GPRIN2: variants seen among roughly 807,000 people sequenced by gnomAD.
GPRIN2 encodes G protein regulated inducer of neurite outgrowth 2.
In GPRIN2, 1 loss-of-function variant was observed where a neutral mutation model predicts 0.3. That is an observed-to-expected ratio of 3.90 (90% CI 1.39 to 18.51). The LOEUF (loss-of-function observed/expected upper bound fraction) is 18.51. GPRIN2 is among the 30% of genes most tolerant of loss of function. GPRIN2 has a pLI of 0.11. For synonymous variants in GPRIN2, 361 were observed against 258.6 expected (o/e 1.40, Z -3.80); for missense variants, 880 against 604.2 (o/e 1.46, Z -4.79).
rs1292532523 is a variant in GPRIN2 at position 46,550,234 on chromosome 10, G to T, written c.503C>A (p.Ala168Asp). Residue 168 changes from alanine (A) to aspartate (D), a missense_variant, in exon 3 of 3, where the codon GCC (alanine) becomes GAC (aspartate). By Grantham distance (126) the Ala-to-Asp change is moderately radical. Transcript: ENST00000374314. ...PGGTSGQGGQ[A>D]PAGLERDLAP... is the part of the protein sequence containing the mutation. Reference sequence around the variant, plus strand: ...CAGGTCCCTTTCCAGGCCTGCAGGGGCCTGGCCACCCTGGCCAGAAGTACC... The same window carrying T: ...CAGGTCCCTTTCCAGGCCTGCAGGGTCCTGGCCACCCTGGCCAGAAGTACC... 6.2e-7 allele frequency: 1 copy of T among 1,607,298 alleles called. No homozygotes were observed. Among genetic ancestry groups the T allele is most frequent in the Non-Finnish European group, 8.5e-7 (1 of 1,176,260 alleles).
rs1298922090 is a variant in GPRIN2, at chr10:46,546,818, G to A, written c.*2542C>T. On this transcript the variant is annotated 3_prime_UTR_variant, in exon 3 of 3. Transcript: ENST00000374314. ...GAGACAAGGATCGTGGTTTAGCCAG[G>A]AGAATCATCTGGGGCCCCAGCCAAG... is the stretch of plus-strand genomic sequence containing the variant. 6.6e-6 allele frequency among the ~76,000 whole-genome samples: 1 copy of A among 152,306 alleles called. No homozygotes were observed. Among genetic ancestry groups the A allele is most frequent in the Non-Finnish European group, 1.5e-5 (1 of 68,054 alleles).
At position 46,542,429 on chromosome 10, in the gene GPRIN2, T is replaced by G. The variant is rs1204321143; in HGVS notation, c.*6931A>C. On this transcript the variant is annotated 3_prime_UTR_variant, in exon 3 of 3. Coordinates refer to ENST00000374314, the MANE Select transcript of GPRIN2 (RefSeq NM_001385282.1). The stretch of plus-strand genomic sequence containing the variant: ...GGGCGGTTCCCCCATGCTGTTCTTG[T>G]GATAGTAAGTTCTCACGAGATCTGA... Among the ~76,000 whole-genome samples, 5 of 152,308 alleles carry G rather than the reference T, an allele frequency of 3.3e-5. No individual in the cohort carries two copies. The highest frequency in any genetic ancestry group is 1.2e-4 in the African/African-American group (5 of 41,484).
rs1456538753 is a variant in GPRIN2, at chr10:46,548,138, G to A, written c.*1222C>T. Reference sequence around the variant, plus strand: ...CGGGTGGATTGGGGGGCTGTGTCACGGGATCTTAGGATCTTCAAGACAAAG... The same window carrying A: ...CGGGTGGATTGGGGGGCTGTGTCACAGGATCTTAGGATCTTCAAGACAAAG... On this transcript the variant is annotated 3_prime_UTR_variant, in exon 3 of 3. Coordinates refer to ENST00000374314, the MANE Select transcript of GPRIN2 (RefSeq NM_001385282.1). Among the ~76,000 whole-genome samples the A allele has an allele frequency of 9.2e-5, 14 of 152,422 alleles. No individual in the cohort carries two copies. Among genetic ancestry groups the A allele is most frequent in the Admixed American group, 7.2e-4 (11 of 15,312 alleles).
In GPRIN2 at chr10:46,551,500, G is replaced by A. The variant is rs1842605835; in HGVS notation, c.-6-758C>T. 4.1e-6 allele frequency: 4 copies of A among 985,510 alleles called. No individual in the cohort carries two copies. The South Asian group carries it at 1.4e-4, about 35-fold the overall frequency. 61.0% of individuals were successfully genotyped at this position (985,510 alleles called of 1,614,324 possible). ...TCAGCATCTGGTCATTGATTCCACAGCATCTCCTGAGCCCCTACTGCGTGC... is the reference window on the plus strand; with the variant it reads ...TCAGCATCTGGTCATTGATTCCACAACATCTCCTGAGCCCCTACTGCGTGC... On this transcript the variant is annotated intron_variant, in intron 2 of 2. Transcript: ENST00000374314.
Position 46,549,816 on chromosome 10 carries a change from G to C in GPRIN2, c.921C>G (p.Gly307=). ...WGPAGLVPEP[G]SRTKDVWTMT... ...TGGTCCACACATCTTTGGTCCTAGA[G>C]CCAGGCTCTGGGACTAACCCAGCGG... The change falls in exon 3 of 3, where the codon GGC becomes GGG. Residue 307 remains glycine, a synonymous_variant. Transcript: ENST00000374314. 1 of 1,614,090 alleles carries C rather than the reference G, an allele frequency of 6.2e-7. No homozygotes were observed. Among genetic ancestry groups the C allele is most frequent in the Non-Finnish European group, 8.5e-7 (1 of 1,180,058 alleles).
In GPRIN2 at chr10:46,556,326, G is replaced by C. The variant is rs1831834134; in HGVS notation, c.-118+172C>G. Among the ~76,000 whole-genome samples, 12 of 152,410 alleles carry C rather than the reference G, an allele frequency of 7.9e-5. No homozygotes were observed. In the East Asian group the frequency reaches 2.3e-3, roughly 29 times the overall value. ...ACAGGACAGGACAATGAGAGGCGGAGCGCGGGGAGTGCGATGCGGCCACCG... is the reference window on the plus strand; with the variant it reads ...ACAGGACAGGACAATGAGAGGCGGACCGCGGGGAGTGCGATGCGGCCACCG... On this transcript the variant is annotated intron_variant, in intron 1 of 2. Coordinates refer to ENST00000374314, the MANE Select transcript of GPRIN2 (RefSeq NM_001385282.1).
chr10:46,553,715 T>G (rs1842861673), intron 2 of GPRIN2, among the ~76,000 whole-genome samples: 1 of 152,304 alleles, frequency 6.6e-6, no homozygotes, highest in Admixed American at 6.5e-5. Context: ...CCTTCCCCAT[T>G]CCCCCTCCAC....
In GPRIN2 at chr10:46,549,973, A is replaced by T. The variant is rs955776079; in HGVS notation, c.764T>A (p.Ile255Asn). Reference sequence around the variant, plus strand: ...CGCCACTAGTTTGGGAAAGGCCAGGATCCCTGTGGCAGGTAGGGCATGGCA... The same window carrying T: ...CGCCACTAGTTTGGGAAAGGCCAGGTTCCCTGTGGCAGGTAGGGCATGGCA... The part of the protein sequence containing the change: ...GCCHALPATG[I>N]LAFPKLVASV... The change falls in exon 3 of 3, where the codon ATC (isoleucine) becomes AAC (asparagine). Residue 255 changes from isoleucine (I) to asparagine (N), a missense_variant. Transcript: ENST00000374314. The T allele has an allele frequency of 1.9e-6, 3 of 1,614,246 alleles. No individual in the cohort carries two copies. Among genetic ancestry groups the T allele is most frequent in the Non-Finnish European group, 2.5e-6 (3 of 1,180,048 alleles).
rs1841871543 is a variant in GPRIN2, at chr10:46,542,975, C to A, written c.*6385G>T. ...CAACAAGGGCCACCAAAAGTTAGGA[C>A]TGATGGGGTGCCCTTCCAGCCCGAC... On this transcript the variant is annotated 3_prime_UTR_variant, in exon 3 of 3. Coordinates refer to ENST00000374314, the MANE Select transcript of GPRIN2 (RefSeq NM_001385282.1). Among the ~76,000 whole-genome samples the A allele has an allele frequency of 6.6e-6, 1 of 152,312 alleles. No individual in the cohort carries two copies. Among genetic ancestry groups the A allele is most frequent in the Non-Finnish European group, 1.5e-5 (1 of 68,058 alleles).
intron 2 of GPRIN2, among the ~76,000 whole-genome samples, chr10:46,551,819 C>T (rs1458790170): frequency 6.6e-6 from 1 of 152,310 alleles, no homozygotes; most frequent in Non-Finnish European, 1.5e-5. Context: ...CCCGACCCTC[C>T]AGCCAGGCAG....
In GPRIN2 at chr10:46,544,004, C is replaced by G. The variant is rs1235989079; in HGVS notation, c.*5356G>C. ...ACATCAGCTTTCCTCAGGTGTTCTT[C>G]TGCTTTATTATTCCCGTGTAGCCAC... is the stretch of plus-strand genomic sequence containing the variant. On this transcript the variant is annotated 3_prime_UTR_variant, in exon 3 of 3. Transcript: ENST00000374314. Among the ~76,000 whole-genome samples the G allele has an allele frequency of 1.3e-5, 2 of 152,078 alleles. No homozygotes were observed. The highest frequency in any genetic ancestry group is 1.5e-5 in the Non-Finnish European group (1 of 68,000).
At chr10:46,557,385 A>T (rs1476134815), upstream of GPRIN2, among the ~76,000 whole-genome samples, 3 of 151,932 alleles carry the variant, frequency 2.0e-5, no homozygotes, top group Admixed American at 6.5e-5. Context: ...AGCCTGGTAG[A>T]CTCCTTCCCT....
chr10:46,545,166 T>C lies in GPRIN2; in HGVS notation c.*4194A>G, dbSNP rs1489754348. On this transcript the variant is annotated 3_prime_UTR_variant, in exon 3 of 3. Coordinates refer to ENST00000374314, the MANE Select transcript of GPRIN2 (RefSeq NM_001385282.1). ...TGTGGGCTACAAGCTTGGCATGACA[T>C]GGATGCAAATGTCAATGGGTGCACC... Among the ~76,000 whole-genome samples the C allele has an allele frequency of 6.6e-6, 1 of 152,312 alleles. No individual in the cohort carries two copies. Among genetic ancestry groups the C allele is most frequent in the African/African-American group, 2.4e-5 (1 of 41,488 alleles).
rs1555018345 is a variant in GPRIN2 at position 46,549,886 on chromosome 10, C to A, written c.851G>T (p.Gly284Val). 1.2e-6 allele frequency: 2 copies of A among 1,614,138 alleles called. No individual in the cohort carries two copies. The highest frequency in any genetic ancestry group is 8.5e-7 in the Non-Finnish European group (1 of 1,180,064). ...HGVKIHCRLS[G>V]GLPGHSHCCA... ...GCAATGGGAATGCCCAGGGAGCCCC[C>A]CAGACAACCTACAGTGGATCTTCAC... Residue 284 changes from glycine to valine, a missense_variant, in exon 3 of 3, where the codon GGG (glycine) becomes GTG (valine). Coordinates refer to ENST00000374314, the MANE Select transcript of GPRIN2 (RefSeq NM_001385282.1).
chr10:46,557,002 C>A (rs1306524313), upstream of GPRIN2, among the ~76,000 whole-genome samples: 1 of 152,200 alleles, frequency 6.6e-6, no homozygotes, highest in Non-Finnish European at 1.5e-5. Context: ...AGTCCACCTC[C>A]TCGTAGCCCC....
Position 46,549,707 on chromosome 10 carries a change from C to G in GPRIN2, c.1030G>C (p.Ala344Pro). ...GGACTGGTGGCCACAGCCTTGCAGG[C>G]CGCCACTGGGGCCGCCTGCACACCA... The part of the protein sequence containing the change: ...DAGVQAAPVA[A>P]CKAVATSPSL... The change falls in exon 3 of 3, where the codon GCC becomes CCC. Residue 344 changes from alanine to proline, a missense_variant. Ala to Pro is a conservative substitution (Grantham distance 27). Transcript: ENST00000374314. The G allele has an allele frequency of 6.2e-7, 1 of 1,614,024 alleles. No individual in the cohort carries two copies. The highest frequency in any genetic ancestry group is 1.1e-5 in the South Asian group (1 of 91,078).
chr10:46,557,148 A>G (rs1843343343), upstream of GPRIN2, among the ~76,000 whole-genome samples: 2 of 152,028 alleles, frequency 1.3e-5, no homozygotes, highest in Non-Finnish European at 1.5e-5. Context: ...CTCTGGCTCC[A>G]GATCCCGCCC....
rs1832926226 is a variant in GPRIN2, at chr10:46,545,839, A to G, written c.*3521T>C. The stretch of plus-strand genomic sequence containing the variant: ...TCCACACCAAGCATGTGAAGGAGGC[A>G]CCATTGTCATCCCCATCTTACAGAT... On this transcript the variant is annotated 3_prime_UTR_variant, in exon 3 of 3. Coordinates refer to ENST00000374314, the MANE Select transcript of GPRIN2 (RefSeq NM_001385282.1). 3.1e-3 allele frequency among the ~76,000 whole-genome samples: 466 copies of G among 152,150 alleles called. No homozygotes were observed. The highest frequency in any genetic ancestry group is 0.011 in the African/African-American group (450 of 41,354).
rs1399352745 is a variant in GPRIN2, at chr10:46,549,254, G to A, written c.*106C>T. 6.6e-6 allele frequency: 9 copies of A among 1,358,860 alleles called. No individual in the cohort carries two copies. In the East Asian group the frequency reaches 1.9e-4, roughly 29 times the overall value. 84.2% of individuals were successfully genotyped at this position (1,358,860 alleles called of 1,614,324 possible). ...GGCAGCCAATATTCAGGTGAGAGAT[G>A]TGCCCAGCTGCCGGTGGGTCCAGGG... On this transcript the variant is annotated 3_prime_UTR_variant, in exon 3 of 3. Transcript: ENST00000374314.
Sources: allele counts gnomAD v4.1 joint callset (sites outside exome capture counted in the v4.1 genomes callset), GRCh38; gene constraint gnomAD v4.1.1; transcripts MANE v1.5; gene names NCBI Gene and HGNC (gene_info 2026-07-23, HGNC 2026-07-21).